Variants in SNAPC1 observed in about 807,000 individuals in gnomAD.
SNAPC1 encodes snRNA-activating protein complex subunit 1.
SNAPC1 carries 42 observed loss-of-function variants against 50.1 expected under a neutral mutation model. That is an observed-to-expected ratio of 0.84 (90% CI 0.65 to 1.08). The LOEUF is 1.08. Among genes scored for constraint, SNAPC1 ranks in the 50% least tolerant of loss-of-function variants. The pLI is 0.00. For synonymous variants in SNAPC1, 164 were observed against 144.2 expected (o/e 1.14, Z -0.98); for missense variants, 477 against 427.3 (o/e 1.12, Z -1.02).
intron 8 of SNAPC1, among the ~76,000 whole-genome samples, chr14:61,785,912 G>GT (rs899685612): frequency 2.3e-5 from 3 of 130,396 alleles, no homozygotes. Flanking sequence ...GCCCTAAGCA[G>GT]TTCCAGCTTG....
chr14:61,786,514 A>G (rs1391069520), intron 8 of SNAPC1, among the ~76,000 whole-genome samples: 1 of 152,238 alleles, frequency 6.6e-6, no homozygotes, highest in Non-Finnish European at 1.5e-5. Flanking sequence ...AAAGATATGG[A>G]TGGCAAATAA....
At position 61,768,631 on chromosome 14, in the gene SNAPC1, C is replaced by G; in HGVS notation, c.430-5C>G. On this transcript the variant is annotated splice_polypyrimidine_tract_variant and splice_region_variant and intron_variant, in intron 3 of 9. Coordinates refer to ENST00000216294, the MANE Select transcript of SNAPC1 (RefSeq NM_003082.4). ...TCATTTAAAAAGACACGTATTATCA[C>G]ATAGCTGTCATATAGGATGAAGAAA... The G allele has an allele frequency of 6.8e-7, 1 of 1,468,998 alleles. No individual in the cohort carries two copies. Among genetic ancestry groups the G allele is most frequent in the South Asian group, 1.1e-5 (1 of 87,376 alleles). 91.0% of individuals were successfully genotyped at this position (1,468,998 alleles called of 1,614,324 possible).
chr14:61,767,469 CTTTT>C, intron 3 of SNAPC1, 117 bp downstream of exon 3: 3 of 453,004 alleles, frequency 6.6e-6, no homozygotes, highest in Non-Finnish European at 1.0e-5. Flanking sequence ...AGACTTTTAG[CTTTT>C]TTTTTTTTTA....
At chr14:61,775,805 T>C (rs6573401) in intron 4 of SNAPC1, among the ~76,000 whole-genome samples, 11 of 151,996 alleles carry the variant, frequency 7.2e-5, no homozygotes, top group African/African-American at 2.4e-4. Context: ...GAATGGAATT[T>C]TATGTTAACT....
intron 8 of SNAPC1, among the ~76,000 whole-genome samples, chr14:61,788,267 A>T (rs2045128791): frequency 6.6e-6 from 1 of 152,220 alleles, no homozygotes; most frequent in Admixed American, 6.5e-5. Flanking sequence ...AGGTATTGTA[A>T]ATACTCTGAA....
chr14:61,784,369 T>C (rs1331718589), intron 8 of SNAPC1, among the ~76,000 whole-genome samples: 1 of 152,178 alleles, frequency 6.6e-6, no homozygotes, highest in Non-Finnish European at 1.5e-5. Flanking sequence ...ATTAATATGA[T>C]TTACCACATC....
chr14:61,784,435 T>C (rs1176468796), intron 8 of SNAPC1, among the ~76,000 whole-genome samples: 1 of 151,902 alleles, frequency 6.6e-6, no homozygotes, highest in East Asian at 1.9e-4. Context: ...AGAAGACATT[T>C]GATAATATCC....
intron 1 of SNAPC1, among the ~76,000 whole-genome samples, chr14:61,765,757 A>G (rs894260739): frequency 6.6e-6 from 1 of 151,994 alleles, no homozygotes; most frequent in African/African-American, 2.4e-5. Context: ...ATGTTATTTC[A>G]TTGATTGATT....
chr14:61,769,601 G>A (rs974430974), intron 4 of SNAPC1, among the ~76,000 whole-genome samples: 6 of 151,820 alleles, frequency 4.0e-5, no homozygotes, highest in African/African-American at 1.5e-4. Context: ...GTTTTGCCGT[G>A]TTAGCCAGGA....
chr14:61,786,313 A>G (rs976922677), intron 8 of SNAPC1, among the ~76,000 whole-genome samples: 1 of 152,206 alleles, frequency 6.6e-6, no homozygotes, highest in African/African-American at 2.4e-5. Flanking sequence ...GGCATTCTCA[A>G]AGTTACAATT....
At chr14:61,779,231 C>T (rs890807673) in intron 7 of SNAPC1, among the ~76,000 whole-genome samples, 1 of 152,136 alleles carries the variant, frequency 6.6e-6, no homozygotes, top group African/African-American at 2.4e-5. Flanking sequence ...CCCTGGAGTT[C>T]TGAAATTTCA....
At position 61,795,004 on chromosome 14, in the gene SNAPC1, T is replaced by G. The variant is rs975512088; in HGVS notation, c.*21T>G. The G allele has an allele frequency of 1.3e-6, 2 of 1,530,212 alleles. No homozygotes were observed. Among genetic ancestry groups the G allele is most frequent in the African/African-American group, 1.4e-5 (1 of 70,816 alleles). 94.8% of individuals were successfully genotyped at this position (1,530,212 alleles called of 1,614,324 possible). A position where few individuals can be genotyped will look rare whatever the true frequency, so the allele number is the denominator to read the frequency against. ...ACTGAACAAAGAGCCTGGTGTAGTT[T>G]TTAATTTTGAGTTTTCTGACAGAAG... is the stretch of plus-strand genomic sequence containing the variant. On this transcript the variant is annotated 3_prime_UTR_variant, in exon 10 of 10. Transcript: ENST00000216294.
chr14:61,792,824 C>A lies in SNAPC1; in HGVS notation c.994C>A (p.His332Asn). The A allele has an allele frequency of 6.3e-7, 1 of 1,575,232 alleles. No homozygotes were observed. Among genetic ancestry groups the A allele is most frequent in the Non-Finnish European group, 8.7e-7 (1 of 1,152,548 alleles). Residue 332 changes from histidine to asparagine, a missense_variant, in exon 9 of 10, where the codon CAC becomes AAC. Transcript: ENST00000216294. Reference protein sequence around the residue: ...LRNKGNVQNIHKEDKPLSLSM... With the variant: ...LRNKGNVQNINKEDKPLSLSM... ...ATTTCTAGGCAATGTGCAGAATATACACAAGGAAGATAAACCTTTAAGTCT... is the reference window on the plus strand; with the variant it reads ...ATTTCTAGGCAATGTGCAGAATATAAACAAGGAAGATAAACCTTTAAGTCT...
chr14:61,782,708 A>C (rs956600913), intron 8 of SNAPC1, among the ~76,000 whole-genome samples: 2 of 152,056 alleles, frequency 1.3e-5, no homozygotes, highest in African/African-American at 4.8e-5. Context: ...TCAGGAGTTC[A>C]AGTCCAGCCT....
In SNAPC1 at chr14:61,762,558, G is replaced by A. The variant is rs1425946470; in HGVS notation, c.98G>A (p.Trp33Ter). 1 of 1,610,584 alleles carries A rather than the reference G, an allele frequency of 6.2e-7. No homozygotes were observed. The highest frequency in any genetic ancestry group is 8.5e-7 in the Non-Finnish European group (1 of 1,177,992). ...CGCTTCGAGGACTTCACGGAGCTCT[G>A]GAGAAACATGAAGTTCGGGACTATC... Reference protein sequence around the residue: ...SVRFEDFTELWRNMKFGTIFC... With the variant: ...SVRFEDFTEL Residue 33 changes from tryptophan (W) to a stop codon, truncating the protein, a stop_gained, in exon 1 of 10, where the codon TGG becomes TAG. Transcript: ENST00000216294. LOFTEE classifies it high-confidence loss of function.
chr14:61,788,527 A>G (rs2045130397), intron 8 of SNAPC1, among the ~76,000 whole-genome samples: 1 of 152,234 alleles, frequency 6.6e-6, no homozygotes, highest in African/African-American at 2.4e-5. Context: ...GTAGAAAAAT[A>G]GCTTAGGACA....
intron 4 of SNAPC1, among the ~76,000 whole-genome samples, chr14:61,769,102 G>A (rs556865300): frequency 3.3e-5 from 5 of 152,270 alleles, no homozygotes; most frequent in African/African-American, 2.4e-5. Flanking sequence ...GCTCACACCT[G>A]TAATCTCAGC....
intron 2 of SNAPC1, 54 bp from the exon 3 acceptor site, chr14:61,767,158 G>A (rs1594642558): frequency 1.6e-6 from 2 of 1,276,082 alleles, no homozygotes; most frequent in East Asian, 2.7e-5. Context: ...ATTATAATAT[G>A]TTTGTGAAAA....
At chr14:61,766,636 C>G (rs2044950264) in intron 1 of SNAPC1, among the ~76,000 whole-genome samples, 1 of 152,146 alleles carries the variant, frequency 6.6e-6, no homozygotes, top group Admixed American at 6.5e-5. Context: ...TTTGAAACCC[C>G]TTCCTTCTTG....
Sources: allele counts gnomAD v4.1 joint callset (sites outside exome capture counted in the v4.1 genomes callset), GRCh38; gene constraint gnomAD v4.1.1; transcripts MANE v1.5; gene names NCBI Gene and HGNC (gene_info 2026-07-23, HGNC 2026-07-21).